NCK1: variants seen among roughly 807,000 people sequenced by gnomAD.
NCK1 encodes the protein SH2/SH3 adapter protein NCK1.
NCK1 carries 19 observed loss-of-function variants against 36.6 expected under a neutral mutation model. The ratio of observed to expected loss-of-function variants is 0.52; its 90% CI spans 0.36 to 0.76. NCK1 has a LOEUF of 0.76. Among genes scored for constraint, NCK1 ranks in the 30% least tolerant of loss-of-function variants. The pLI is 0.00. For synonymous variants in NCK1, 165 were observed against 156.0 expected (o/e 1.06, Z -0.43); for missense variants, 358 against 445.6 (o/e 0.80, Z 1.77).
At chr3:136,934,478 G>T (rs1041366393) in intron 2 of NCK1, among the ~76,000 whole-genome samples, 2 of 152,068 alleles carry the variant, frequency 1.3e-5, no homozygotes, top group East Asian at 1.9e-4. Context: ...TAGAGATGGG[G>T]TTTCACCATG....
chr3:136,894,697 G>A (rs1192058773), intron 1 of NCK1, among the ~76,000 whole-genome samples: 4 of 152,144 alleles, frequency 2.6e-5, no homozygotes, highest in Non-Finnish European at 5.9e-5. Context: ...TACAGTAAGT[G>A]TAAATCCTAC....
At chr3:136,912,083 C>T (rs1304143516) in intron 1 of NCK1, among the ~76,000 whole-genome samples, 1 of 151,084 alleles carries the variant, frequency 6.6e-6, no homozygotes, top group Non-Finnish European at 1.5e-5. Flanking sequence ...GTTCATGCTA[C>T]TTGGAGTCTG....
At position 136,879,411 on chromosome 3, in the gene NCK1, G is replaced by A. The variant is rs997079348; in HGVS notation, c.-19+17058G>A. Among the ~76,000 whole-genome samples, 8 of 152,074 alleles carry A rather than the reference G, an allele frequency of 5.3e-5. 1 individual carries two copies. The highest frequency in any genetic ancestry group is 5.2e-4 in the Admixed American group (8 of 15,256). On this transcript the variant is annotated intron_variant, in intron 1 of 3. Coordinates refer to ENST00000481752, the MANE Select transcript of NCK1 (RefSeq NM_001291999.2). ...GAAAAATGAAAGAAAATAGATATACGCTTTCAATTAAAGCCTAGTCAGGAA... is the reference window on the plus strand; with the variant it reads ...GAAAAATGAAAGAAAATAGATATACACTTTCAATTAAAGCCTAGTCAGGAA...
At chr3:136,937,017 AGTGTCAGTATCT>A (rs1455116725) in intron 2 of NCK1, among the ~76,000 whole-genome samples, 3 of 152,284 alleles carry the variant, frequency 2.0e-5, no homozygotes, top group African/African-American at 7.2e-5. Context: ...TTATGCTTTT[AGTGTCAGTATCT>A]AAGAATCCAT....
chr3:136,944,122 T>C (rs1298882215), intron 2 of NCK1, among the ~76,000 whole-genome samples: 1 of 137,272 alleles, frequency 7.3e-6, no homozygotes, highest in Non-Finnish European at 1.5e-5. Context: ...CTTTTTTTTT[T>C]TTTTTTTTTT....
intron 1 of NCK1, among the ~76,000 whole-genome samples, chr3:136,912,107 A>G (rs2108111957): frequency 6.6e-6 from 1 of 151,138 alleles, no homozygotes; most frequent in East Asian, 1.9e-4. Context: ...AGTTTATTGA[A>G]TATGTATATT....
chr3:136,893,267 G>T (rs1181730188), intron 1 of NCK1, among the ~76,000 whole-genome samples: 1 of 149,672 alleles, frequency 6.7e-6, no homozygotes, highest in African/African-American at 2.5e-5. Context: ...GGGATTGCTC[G>T]ATCTACTTTC....
chr3:136,946,015 T>C lies in NCK1; in HGVS notation c.659T>C (p.Ile220Thr). The C allele has an allele frequency of 6.2e-7, 1 of 1,614,010 alleles. No individual in the cohort carries two copies. The highest frequency in any genetic ancestry group is 8.5e-7 in the Non-Finnish European group (1 of 1,179,998). Residue 220 changes from isoleucine (I) to threonine (T), a missense_variant, in exon 3 of 4, where the codon ATT becomes ACT. By Grantham distance (89) the Ile-to-Thr change is moderately conservative. This residue lies in a region of NCK1 where 207 missense variants were observed against 253.4 expected (regional missense o/e 0.82). Coordinates refer to ENST00000481752, the MANE Select transcript of NCK1 (RefSeq NM_001291999.2). Reference sequence around the variant, plus strand: ...GAGAAAGGAGATGTAATGGATGTTATTGAAAAACCTGAAAATGACCCAGAG... The same window carrying C: ...GAGAAAGGAGATGTAATGGATGTTACTGAAAAACCTGAAAATGACCCAGAG... ...NFEKGDVMDV[I>T]EKPENDPEWW...
chr3:136,879,424 G>A (rs1304246284), intron 1 of NCK1, among the ~76,000 whole-genome samples: 1 of 152,150 alleles, frequency 6.6e-6, no homozygotes, highest in Non-Finnish European at 1.5e-5. Context: ...TTCAATTAAA[G>A]CCTAGTCAGG....
Position 136,951,247 on chromosome 3 carries a change from G to A in NCK1, c.*2794G>A, listed in dbSNP as rs1043095704. ...AGAGTTGTCACAGTCTCTGTAGCAC[G>A]TTTGTGAGAATTCTCTAGGCAGGCC... On this transcript the variant is annotated 3_prime_UTR_variant, in exon 4 of 4. Coordinates refer to ENST00000481752, the MANE Select transcript of NCK1 (RefSeq NM_001291999.2). 2.6e-5 allele frequency among the ~76,000 whole-genome samples: 4 copies of A among 152,172 alleles called. No homozygotes were observed. The highest frequency in any genetic ancestry group is 6.5e-5 in the Admixed American group (1 of 15,272).
intron 1 of NCK1, among the ~76,000 whole-genome samples, chr3:136,879,131 C>CAAA (rs35320281): frequency 1.3e-5 from 2 of 148,738 alleles, no homozygotes; most frequent in East Asian, 2.0e-4. Context: ...ATCAGAACAA[C>CAAA]AAAAAAAAAG....
chr3:136,869,294 C>G (rs1285165677), intron 1 of NCK1, among the ~76,000 whole-genome samples: 3 of 152,080 alleles, frequency 2.0e-5, no homozygotes, highest in Non-Finnish European at 4.4e-5. Flanking sequence ...CTCCTGTAAT[C>G]CCAGCGCTTT....
chr3:136,948,310 A>G lies in NCK1; in HGVS notation c.991A>G (p.Lys331Glu). Residue 331 changes from lysine (K) to glutamate (E), a missense_variant, in exon 4 of 4, where the codon AAA (lysine) becomes GAA (glutamate). Lys to Glu is a moderately conservative substitution (Grantham distance 56). Around this residue, in one of 3 missense-constraint regions of NCK1, gnomAD observed 207 missense variants for 253.4 expected, o/e 0.82. Coordinates refer to ENST00000481752, the MANE Select transcript of NCK1 (RefSeq NM_001291999.2). ...LKAQGKNKHFKVQLKETVYCI... is the reference protein window; with the variant it reads ...LKAQGKNKHFEVQLKETVYCI... ...AGCACAAGGGAAAAACAAGCATTTT[A>G]AAGTCCAACTAAAAGAGACTGTCTA... 1 of 1,609,368 alleles carries G rather than the reference A, an allele frequency of 6.2e-7. No individual in the cohort carries two copies. Among genetic ancestry groups the G allele is most frequent in the Non-Finnish European group, 8.5e-7 (1 of 1,177,644 alleles).
chr3:136,922,223 C>A (rs1485710808), intron 1 of NCK1, among the ~76,000 whole-genome samples: 1 of 152,100 alleles, frequency 6.6e-6, no homozygotes, highest in Non-Finnish European at 1.5e-5. Context: ...AATGTTTGGC[C>A]CTTACCCTCT....
intron 1 of NCK1, among the ~76,000 whole-genome samples, chr3:136,880,369 C>CGTA (rs1938896651): frequency 6.6e-6 from 1 of 151,930 alleles, no homozygotes; most frequent in Non-Finnish European, 1.5e-5. Context: ...TAGGGTGGAC[C>CGTA]CTAATCCACC....
At chr3:136,920,068 C>T (rs186767567) in intron 1 of NCK1, among the ~76,000 whole-genome samples, 4 of 152,170 alleles carry the variant, frequency 2.6e-5, no homozygotes, top group Admixed American at 6.5e-5. Flanking sequence ...AAAGACAAGG[C>T]AATTCATAAG....
At chr3:136,941,571 A>G (rs1286733454) in intron 2 of NCK1, among the ~76,000 whole-genome samples, 9 of 152,156 alleles carry the variant, frequency 5.9e-5, no homozygotes, top group Middle Eastern at 3.2e-3. Flanking sequence ...TTTCAGTACT[A>G]TGCATAACTC....
intron 1 of NCK1, among the ~76,000 whole-genome samples, chr3:136,920,246 T>G (rs893644298): frequency 6.6e-5 from 10 of 152,112 alleles, no homozygotes; most frequent in African/African-American, 2.2e-4. Flanking sequence ...AAGTTTTTCT[T>G]CTTTTTTTTT....
chr3:136,902,396 T>A (rs1664132346), intron 1 of NCK1, among the ~76,000 whole-genome samples: 1 of 152,128 alleles, frequency 6.6e-6, no homozygotes, highest in African/African-American at 2.4e-5. Context: ...GGTTTCAGCA[T>A]GCTGCCCAGG....
Sources: allele counts gnomAD v4.1 joint callset (sites outside exome capture counted in the v4.1 genomes callset), GRCh38; gene constraint gnomAD v4.1.1; regional missense constraint gnomAD v4.1.1; transcripts MANE v1.5; gene names NCBI Gene and HGNC (gene_info 2026-07-23, HGNC 2026-07-21).